Variants in PARD3B observed in about 807,000 individuals in gnomAD.
PARD3B encodes partitioning defective 3 homolog B.
PARD3B carries 103 observed loss-of-function variants against 130.2 expected under a neutral mutation model. That is an observed-to-expected ratio of 0.79 (90% confidence interval 0.67 to 0.93). PARD3B has a LOEUF of 0.93. PARD3B is among the 40% of genes least tolerant of loss of function. The pLI is 0.00. For synonymous variants in PARD3B, 583 were observed against 553.2 expected (o/e 1.05, Z -0.76); for missense variants, 1,609 against 1,499.2 (o/e 1.07, Z -1.21).
intron 1 of PARD3B, among the ~76,000 whole-genome samples, chr2:204,575,664 T>C (rs532658930): frequency 6.6e-4 from 100 of 152,240 alleles, no homozygotes; most frequent in Non-Finnish European, 1.3e-3. Context: ...TGGCTCTCTC[T>C]GGCTGTGGGG....
intron 18 of PARD3B, among the ~76,000 whole-genome samples, chr2:205,312,253 A>G (rs924093261): frequency 2.6e-5 from 4 of 152,308 alleles, no homozygotes; most frequent in Admixed American, 1.3e-4. Flanking sequence ...AGCCAGGCCA[A>G]TGAAATTTTA....
chr2:204,684,011 C>G (rs2036961726), intron 1 of PARD3B, among the ~76,000 whole-genome samples: 1 of 152,170 alleles, frequency 6.6e-6, no homozygotes, highest in South Asian at 2.1e-4. Flanking sequence ...GCAACCCCAT[C>G]TTGCTGCCAT....
intron 20 of PARD3B, among the ~76,000 whole-genome samples, chr2:205,479,757 G>A (rs1041618914): frequency 4.6e-5 from 7 of 152,026 alleles, no homozygotes; most frequent in African/African-American, 1.7e-4. Flanking sequence ...ATCTCCTAAT[G>A]TCCACTCATT....
In PARD3B at chr2:205,478,226, A is replaced by G. The variant is rs139217884; in HGVS notation, c.3045-21670A>G. On this transcript the variant is annotated intron_variant, in intron 20 of 22. Coordinates refer to ENST00000406610, the MANE Select transcript of PARD3B (RefSeq NM_001302769.2). ...AAACTGAGGCTGAATTTCTGGCATC[A>G]GCCTGGAGGCAATGGGTGGTCACTA... Among the ~76,000 whole-genome samples, 301 of 152,354 alleles carry G rather than the reference A, an allele frequency of 2.0e-3. 3 individuals are homozygous for G. The highest frequency in any genetic ancestry group is 6.7e-3 in the African/African-American group (280 of 41,598).
intron 11 of PARD3B, among the ~76,000 whole-genome samples, chr2:205,167,847 C>G (rs1004402153): frequency 1.3e-5 from 2 of 152,186 alleles, no homozygotes; most frequent in Non-Finnish European, 2.9e-5. Context: ...CAGAGAGTAG[C>G]ATTTATATCA....
intron 18 of PARD3B, among the ~76,000 whole-genome samples, chr2:205,317,384 A>G (rs191757065): frequency 3.3e-5 from 5 of 152,350 alleles, no homozygotes; most frequent in Admixed American, 2.6e-4. Context: ...GGGATTGGTT[A>G]GCTGGAAAGT....
At chr2:204,625,381 C>T (rs1477513091) in intron 1 of PARD3B, among the ~76,000 whole-genome samples, 3 of 152,132 alleles carry the variant, frequency 2.0e-5, no homozygotes, top group African/African-American at 7.2e-5. Context: ...GAACATGCTC[C>T]TTTAAGATGC....
intron 1 of PARD3B, among the ~76,000 whole-genome samples, chr2:204,672,933 G>A (rs368906759): frequency 1.1e-4 from 16 of 152,148 alleles, no homozygotes; most frequent in African/African-American, 2.4e-4. Flanking sequence ...CAGAAATGGC[G>A]CTGCCTTTGG....
At chr2:204,930,514 G>A (rs1339321562) in intron 2 of PARD3B, among the ~76,000 whole-genome samples, 1 of 151,802 alleles carries the variant, frequency 6.6e-6, no homozygotes, top group African/African-American at 2.4e-5. Context: ...AGATACGGAG[G>A]GCTGACTATA....
intron 6 of PARD3B, among the ~76,000 whole-genome samples, chr2:205,117,940 C>CACACACACACACACACACACAT (rs1559455500): frequency 4.0e-5 from 6 of 151,364 alleles, no homozygotes; most frequent in African/African-American, 1.5e-4. Flanking sequence ...CACACACATA[C>CACACACACACACACACACACAT]ACACACACAT....
chr2:205,062,197 T>C (rs1700102179), intron 4 of PARD3B, among the ~76,000 whole-genome samples: 1 of 152,100 alleles, frequency 6.6e-6, no homozygotes. Flanking sequence ...AGTGTAGTAT[T>C]TTTTTATGTA....
Position 205,440,974 on chromosome 2 carries a change from C to G in PARD3B, c.3044+302C>G, listed in dbSNP as rs1194951568. Among the ~76,000 whole-genome samples the G allele has an allele frequency of 6.6e-6, 1 of 152,136 alleles. No individual in the cohort carries two copies. Among genetic ancestry groups the G allele is most frequent in the African/African-American group, 2.4e-5 (1 of 41,428 alleles). ...AAGAAAACTTTGAACGAATATTGTC[C>G]TTTCTCCTAAGAGACCAATTGTAAA... On this transcript the variant is annotated intron_variant, in intron 20 of 22. Coordinates refer to ENST00000406610, the MANE Select transcript of PARD3B (RefSeq NM_001302769.2). This position sits in a 1 kb window ranked among gnomAD's most constrained non-coding sequence, Gnocchi z 4.2.
rs535793227 is a variant in PARD3B, at chr2:205,177,608, C to T, written c.1924+1031C>T. On this transcript the variant is annotated intron_variant, in intron 13 of 22. Coordinates refer to ENST00000406610, the MANE Select transcript of PARD3B (RefSeq NM_001302769.2). The stretch of plus-strand genomic sequence containing the variant: ...TAACTATGTGGAAAGAAGTTCCAAG[C>T]TGTGAAATTACTCCATCATAACATA... 7.2e-5 allele frequency among the ~76,000 whole-genome samples: 11 copies of T among 152,246 alleles called. No homozygotes were observed. The South Asian group carries it at 2.3e-3, about 32-fold the overall frequency.
chr2:204,948,928 T>C (rs1689549773), intron 2 of PARD3B, among the ~76,000 whole-genome samples: 1 of 152,162 alleles, frequency 6.6e-6, no homozygotes, highest in Admixed American at 6.5e-5. Context: ...ATTATAGGAC[T>C]AGAGACTTTA....
At chr2:205,316,674 GA>G (rs1203507479) in intron 18 of PARD3B, among the ~76,000 whole-genome samples, 1 of 152,078 alleles carries the variant, frequency 6.6e-6, no homozygotes, top group Non-Finnish European at 1.5e-5. Context: ...ACCATAATTG[GA>G]GTTTAAATTC....
At chr2:205,604,459 G>T (rs1325832205) in intron 22 of PARD3B, among the ~76,000 whole-genome samples, 1 of 152,104 alleles carries the variant, frequency 6.6e-6, no homozygotes. Flanking sequence ...GGAAAGACTT[G>T]CCCCCATTAT....
chr2:204,779,458 A>G (rs73982510), intron 2 of PARD3B, among the ~76,000 whole-genome samples: 2,397 of 152,282 alleles, frequency 0.016, 46 homozygotes, highest in African/African-American at 0.053. Context: ...ATGTGTCTTA[A>G]CAGATGACAT....
rs3036351 is a variant in PARD3B at position 204,656,361 on chromosome 2, A to AAAAC, written c.121-29794_121-29791dup. ...GATATATGGAAGGTTTACATGATAG[A>AAAAC]AAACAAACAAACAAACAAACAAACA... is the stretch of plus-strand genomic sequence containing the variant. On this transcript the variant is annotated intron_variant, in intron 1 of 22. Coordinates refer to ENST00000406610, the MANE Select transcript of PARD3B (RefSeq NM_001302769.2). 6.5e-4 allele frequency among the ~76,000 whole-genome samples: 98 copies of AAAAC among 151,556 alleles called. 1 individual carries two copies. The highest frequency in any genetic ancestry group is 5.0e-3 in the South Asian group (24 of 4,816).
chr2:204,881,147 C>T (rs140951281), intron 2 of PARD3B, among the ~76,000 whole-genome samples: 10 of 152,014 alleles, frequency 6.6e-5, no homozygotes, highest in Admixed American at 4.6e-4. Flanking sequence ...AAACCATGAG[C>T]GTATTAGATA....
Sources: allele counts gnomAD v4.1 joint callset (sites outside exome capture counted in the v4.1 genomes callset), GRCh38; gene constraint gnomAD v4.1.1; non-coding constraint Gnocchi (gnomAD v3.1); transcripts MANE v1.5; gene names NCBI Gene and HGNC (gene_info 2026-07-23, HGNC 2026-07-21).